CCBE1: variants seen among roughly 807,000 people sequenced by gnomAD.
The protein encoded by CCBE1 is collagen and calcium binding EGF domains 1, also known as collagen and calcium-binding EGF domain-containing protein 1.
In CCBE1, 37 loss-of-function variants were observed where a neutral mutation model predicts 50.0. That is an observed-to-expected ratio of 0.74 (90% CI 0.57 to 0.97). The LOEUF (loss-of-function observed/expected upper bound fraction) is 0.97, where lower values mean the gene tolerates loss of function less well. CCBE1 is among the 50% of genes least tolerant of loss of function. CCBE1 has a pLI of 0.00. For synonymous variants in CCBE1, 234 were observed against 203.7 expected (o/e 1.15, Z -1.27); for missense variants, 538 against 523.8 (o/e 1.03, Z -0.26).
chr18:59,663,032 GA>G (rs5825357), intron 2 of CCBE1, among the ~76,000 whole-genome samples: 62,964 of 151,902 alleles, frequency 0.41, 14,315 homozygotes, highest in African/African-American at 0.61. Flanking sequence ...TAAAAAAAGT[GA>G]AAATACAATT....
chr18:59,666,210 G>A (rs1238652452), intron 2 of CCBE1: 6 of 152,138 alleles, frequency 3.9e-5, no homozygotes, highest in African/African-American at 7.2e-5. Flanking sequence ...ATCAGATCTC[G>A]TGAGACTTAT....
At chr18:59,490,560 G>T (rs1417443132) in intron 2 of CCBE1, among the ~76,000 whole-genome samples, 1 of 152,160 alleles carries the variant, frequency 6.6e-6, no homozygotes. Flanking sequence ...ACTGGGTAAG[G>T]AATGATGTTC....
At position 59,696,713 on chromosome 18, in the gene CCBE1, T is replaced by C. The variant is rs371715741; in HGVS notation, c.132-4A>G. 2 of 1,613,610 alleles carry C rather than the reference T, an allele frequency of 1.2e-6. No homozygotes were observed. Among genetic ancestry groups the C allele is most frequent in the South Asian group, 1.1e-5 (1 of 91,072 alleles). On this transcript the variant is annotated splice_polypyrimidine_tract_variant and splice_region_variant and intron_variant, in intron 1 of 10. Transcript: ENST00000439986. ...TTTGCTCTCTGAGCAGATTTCTCTATGAAAAAGTGCAGAGGAAATGTTCGA... is the reference window on the plus strand; with the variant it reads ...TTTGCTCTCTGAGCAGATTTCTCTACGAAAAAGTGCAGAGGAAATGTTCGA...
At chr18:59,607,913 G>A (rs141123482) in intron 2 of CCBE1, among the ~76,000 whole-genome samples, 2,771 of 152,238 alleles carry the variant, frequency 0.018, 67 homozygotes, top group African/African-American at 0.063. Context: ...GTGAAACCCC[G>A]TCTCTACTAA....
Position 59,552,909 on chromosome 18 carries a change from T to G in CCBE1, c.213-72671A>C, listed in dbSNP as rs1280246271. ...AACTTCCTCTGATCTATAATGTAGC[T>G]GTCCCACCTGTCCAGCCATACAAAG... On this transcript the variant is annotated intron_variant, in intron 2 of 10. Coordinates refer to ENST00000439986, the MANE Select transcript of CCBE1 (RefSeq NM_133459.4). Among the ~76,000 whole-genome samples, 5 of 152,210 alleles carry G rather than the reference T, an allele frequency of 3.3e-5. No homozygotes were observed. The East Asian group carries it at 9.6e-4, about 29-fold the overall frequency.
At chr18:59,477,966 GATATTTTTTAGATGAGATTA>G (rs1912391486) in intron 3 of CCBE1, among the ~76,000 whole-genome samples, 1 of 152,174 alleles carries the variant, frequency 6.6e-6, no homozygotes, top group African/African-American at 2.4e-5. Flanking sequence ...CTTCTGTGAA[GATATTTTTTAGATGAGATTA>G]ACATTGAAAT....
intron 2 of CCBE1, among the ~76,000 whole-genome samples, chr18:59,619,547 T>C (rs1425351280): frequency 1.3e-5 from 2 of 152,246 alleles, no homozygotes; most frequent in African/African-American, 4.8e-5. Context: ...GTTTGTAATA[T>C]GTGTATTATA....
chr18:59,589,622 C>T (rs982485017), intron 2 of CCBE1, among the ~76,000 whole-genome samples: 7 of 151,546 alleles, frequency 4.6e-5, no homozygotes, highest in East Asian at 1.9e-4. Flanking sequence ...GGTGAAACCC[C>T]GTCTCTACTA....
intron 2 of CCBE1, among the ~76,000 whole-genome samples, chr18:59,681,137 T>G (rs886264217): frequency 1.6e-4 from 25 of 151,638 alleles, no homozygotes; most frequent in African/African-American, 5.6e-4. Context: ...ACCATTTCCC[T>G]CGGAATCTTT....
chr18:59,650,303 C>T (rs1441003079), intron 2 of CCBE1, among the ~76,000 whole-genome samples: 1 of 150,790 alleles, frequency 6.6e-6, no homozygotes, highest in African/African-American at 2.4e-5. Flanking sequence ...AGACCAAGCC[C>T]AGCACACCCA....
intron 2 of CCBE1, among the ~76,000 whole-genome samples, chr18:59,538,389 T>C (rs951351766): frequency 6.6e-6 from 1 of 152,188 alleles, no homozygotes; most frequent in African/African-American, 2.4e-5. Flanking sequence ...CAGTTTTGTA[T>C]CTATTATTGG....
At chr18:59,547,508 C>G (rs928564487) in intron 2 of CCBE1, among the ~76,000 whole-genome samples, 1 of 152,090 alleles carries the variant, frequency 6.6e-6, no homozygotes, top group Non-Finnish European at 1.5e-5. Flanking sequence ...CTGATTAGGG[C>G]ATCATCAGCC....
chr18:59,564,490 C>A lies in CCBE1; in HGVS notation c.213-84252G>T, dbSNP rs576774571. On this transcript the variant is annotated intron_variant, in intron 2 of 10. Coordinates refer to ENST00000439986, the MANE Select transcript of CCBE1 (RefSeq NM_133459.4). ...CTAGATCATGGTCATTAAACCATTT[C>A]TATACTAGTATATTTAATGAGAAAA... 3.9e-5 allele frequency among the ~76,000 whole-genome samples: 6 copies of A among 152,314 alleles called. No homozygotes were observed. In the South Asian group the frequency reaches 1.2e-3, roughly 32 times the overall value.
intron 2 of CCBE1, among the ~76,000 whole-genome samples, chr18:59,689,227 A>T (rs1156761293): frequency 6.6e-6 from 1 of 152,154 alleles, no homozygotes; most frequent in Non-Finnish European, 1.5e-5. Context: ...GGGACAGCCC[A>T]CGGGGCTGAC....
At chr18:59,613,863 G>GTTTTTTTTTTT (rs34847608) in intron 2 of CCBE1, among the ~76,000 whole-genome samples, 2 of 98,422 alleles carry the variant, frequency 2.0e-5, no homozygotes, top group African/African-American at 7.5e-5. Flanking sequence ...TCTCTGATGG[G>GTTTTTTTTTTT]TTTTTTTTTT....
chr18:59,659,295 G>T (rs9967055), intron 2 of CCBE1, among the ~76,000 whole-genome samples: 1,811 of 148,046 alleles, frequency 0.012, 33 homozygotes, highest in African/African-American at 0.043. Flanking sequence ...GAATTTACAT[G>T]TTTTTTTTTT....
intron 2 of CCBE1, among the ~76,000 whole-genome samples, chr18:59,501,549 C>G (rs141167560): frequency 4.7e-4 from 72 of 152,280 alleles, no homozygotes; most frequent in African/African-American, 1.6e-3. Context: ...TGCTGAACCC[C>G]AAACACATCT....
At chr18:59,665,671 AAGCACTGCACTCAACAGC>A (rs1156593193) in intron 2 of CCBE1, among the ~76,000 whole-genome samples, 1 of 152,172 alleles carries the variant, frequency 6.6e-6, no homozygotes, top group African/African-American at 2.4e-5. Flanking sequence ...TAACATCAGG[AAGCACTGCACTCAACAGC>A]AGCACTGTTT....
intron 2 of CCBE1, among the ~76,000 whole-genome samples, chr18:59,604,210 G>T (rs569778297): frequency 2.0e-4 from 31 of 152,334 alleles, no homozygotes; most frequent in Admixed American, 1.4e-3. Flanking sequence ...GGCCAAAACA[G>T]TTATGGAGAG....
Sources: allele counts gnomAD v4.1 joint callset (sites outside exome capture counted in the v4.1 genomes callset), GRCh38; gene constraint gnomAD v4.1.1; transcripts MANE v1.5; gene names NCBI Gene and HGNC (gene_info 2026-07-23, HGNC 2026-07-21).